LSM6: variants seen among roughly 807,000 people sequenced by gnomAD.
LSM6 encodes LSM6 homolog, U6 small nuclear RNA and mRNA degradation associated, also known as U6 snRNA-associated Sm-like protein LSm6.
A neutral mutation model predicts 13.5 loss-of-function variants in LSM6; 2 were observed. That is an observed-to-expected ratio of 0.15 (90% CI 0.06 to 0.47). LSM6 has a LOEUF of 0.47. Ranked by LOEUF, LSM6 falls within the 20% of genes least tolerant of loss-of-function variation. The pLI is 0.97. For missense variants in LSM6, 58 were observed against 96.4 expected (o/e 0.60, Z 1.67); for synonymous variants, 43 against 34.9 (o/e 1.23, Z -0.82).
At chr4:146,181,744 A>G (rs985456054) in intron 1 of LSM6, among the ~76,000 whole-genome samples, 1 of 152,222 alleles carries the variant, frequency 6.6e-6, no homozygotes, top group African/African-American at 2.4e-5. Flanking sequence ...CTGCTGAATA[A>G]TAGTGATGCT....
intron 1 of LSM6, among the ~76,000 whole-genome samples, chr4:146,177,697 A>G (rs566027458): frequency 2.0e-5 from 3 of 152,028 alleles, no homozygotes; most frequent in Middle Eastern, 3.4e-3. Flanking sequence ...TTCCATTGAC[A>G]TTTTGTGCTG....
At chr4:146,181,829 C>T (rs1730238367) in intron 1 of LSM6, among the ~76,000 whole-genome samples, 1 of 152,122 alleles carries the variant, frequency 6.6e-6, no homozygotes, top group African/African-American at 2.4e-5. Flanking sequence ...GTTTTATTAA[C>T]TTACCAACAT....
At chr4:146,189,453 AT>A (rs1025854452) in intron 3 of LSM6, among the ~76,000 whole-genome samples, 168 bp from the exon 4 acceptor site, 5 of 152,220 alleles carry the variant, frequency 3.3e-5, no homozygotes, top group Non-Finnish European at 5.9e-5. Flanking sequence ...CTGGGTGTAG[AT>A]TCATAAAACT....
At chr4:146,178,317 A>G (rs1730155382) in intron 1 of LSM6, among the ~76,000 whole-genome samples, 1 of 152,230 alleles carries the variant, frequency 6.6e-6, no homozygotes, top group Non-Finnish European at 1.5e-5. Context: ...CAGCCTGATA[A>G]GGGCCATGAC....
At chr4:146,182,122 G>A (rs1237070282) in intron 1 of LSM6, among the ~76,000 whole-genome samples, 1 of 152,178 alleles carries the variant, frequency 6.6e-6, no homozygotes. Flanking sequence ...CTTTCTAGCT[G>A]TGTGACCTTG....
At chr4:146,177,505 C>A (rs530296652) in intron 1 of LSM6, among the ~76,000 whole-genome samples, 10 of 152,294 alleles carry the variant, frequency 6.6e-5, no homozygotes, top group Admixed American at 3.3e-4. Context: ...TAGAATAAAA[C>A]ACCCCTGATT....
chr4:146,182,789 C>T lies in LSM6; in HGVS notation c.-10-123C>T, dbSNP rs914584843. ...CATGTAGTAGCAGTGGAGTAATACG[C>T]GTCTTCTCGCATGGTCCTTTGATAC... On this transcript the variant is annotated intron_variant, in intron 1 of 3. Transcript: ENST00000296581. The T allele has an allele frequency of 2.3e-5, 14 of 615,514 alleles. 1 individual carries two copies. Among genetic ancestry groups the T allele is most frequent in the African/African-American group, 1.3e-4 (7 of 53,882 alleles). The allele number at this position is 615,514 out of a possible 1,614,324, so 38.1% of individuals were successfully genotyped here. A position where few individuals can be genotyped will look rare whatever the true frequency, so the allele number is the denominator to read the frequency against.
chr4:146,182,232 A>G (rs761684204), intron 1 of LSM6, among the ~76,000 whole-genome samples: 1 of 152,198 alleles, frequency 6.6e-6, no homozygotes, highest in South Asian at 2.1e-4. Context: ...ATTGATTAAT[A>G]TATATAAAGT....
rs757980391 is a variant in LSM6 at position 146,187,296 on chromosome 4, C to T, written c.117C>T (p.Gly39=). 6.2e-7 allele frequency: 1 copy of T among 1,612,644 alleles called. No homozygotes were observed. Among genetic ancestry groups the T allele is most frequent in the South Asian group, 1.1e-5 (1 of 91,034 alleles). The change falls in exon 3 of 4, where the codon GGC becomes GGT. Residue 39 remains glycine (G), a synonymous_variant. Coordinates refer to ENST00000296581, the MANE Select transcript of LSM6 (RefSeq NM_007080.3). Reference sequence around the variant, plus strand: ...CAGGGGTCCTGGCTTGCCTGGATGGCTACATGAATATAGCCCTGGAGCAGA... The same window carrying T: ...CAGGGGTCCTGGCTTGCCTGGATGGTTACATGAATATAGCCCTGGAGCAGA... ...DYRGVLACLD[G]YMNIALEQTE... is the part of the protein sequence containing the mutation.
chr4:146,188,012 TC>T (rs1730385577), intron 3 of LSM6, among the ~76,000 whole-genome samples: 1 of 152,178 alleles, frequency 6.6e-6, no homozygotes. Flanking sequence ...ACTTTTTGGT[TC>T]CATCTCCCAG....
At chr4:146,177,690 C>A (rs1165531190) in intron 1 of LSM6, among the ~76,000 whole-genome samples, 1 of 151,716 alleles carries the variant, frequency 6.6e-6, no homozygotes, top group Admixed American at 6.6e-5. Flanking sequence ...TGTCAACTTC[C>A]ATTGACATTT....
chr4:146,189,402 A>G (rs1185544931), intron 3 of LSM6, among the ~76,000 whole-genome samples: 5 of 152,362 alleles, frequency 3.3e-5, no homozygotes, highest in African/African-American at 1.2e-4. Context: ...AGTCAGTGAG[A>G]CACATGGATG....
At chr4:146,188,181 A>G (rs911455336) in intron 3 of LSM6, among the ~76,000 whole-genome samples, 1 of 152,122 alleles carries the variant, frequency 6.6e-6, no homozygotes, top group Non-Finnish European at 1.5e-5. Context: ...ATTTCTTCAT[A>G]TCATATTTTT....
intron 1 of LSM6, among the ~76,000 whole-genome samples, chr4:146,180,473 G>A (rs949329575): frequency 6.6e-6 from 1 of 152,196 alleles, no homozygotes; most frequent in Non-Finnish European, 1.5e-5. Context: ...ATAAAAAGGT[G>A]TGGAAAGTTA....
At chr4:146,187,542 T>C (rs1730374890) in intron 3 of LSM6, 155 bp downstream of exon 3, 2 of 555,662 alleles carry the variant, frequency 3.6e-6, no homozygotes, top group East Asian at 6.0e-5. Context: ...TGACCAGTTA[T>C]TTTGTAGATG....
intron 2 of LSM6, among the ~76,000 whole-genome samples, chr4:146,185,475 C>T (rs1448038111): frequency 2.0e-5 from 3 of 148,614 alleles, no homozygotes; most frequent in Admixed American, 1.3e-4. Context: ...TTTACAAAAC[C>T]CCAAAAAACC....
chr4:146,182,109 C>T (rs1473156646), intron 1 of LSM6, among the ~76,000 whole-genome samples: 5 of 152,138 alleles, frequency 3.3e-5, no homozygotes, highest in Non-Finnish European at 7.4e-5. Flanking sequence ...GGCTGGCTAT[C>T]CACTTTCTAG....
intron 1 of LSM6, among the ~76,000 whole-genome samples, chr4:146,177,096 G>C (rs1273297177): frequency 6.6e-6 from 1 of 152,080 alleles, no homozygotes; most frequent in Non-Finnish European, 1.5e-5. Flanking sequence ...GGCAGGAAGA[G>C]ACTTAAGTGG....
At chr4:146,184,189 A>G (rs1730296651) in intron 2 of LSM6, among the ~76,000 whole-genome samples, 2 of 151,996 alleles carry the variant, frequency 1.3e-5, no homozygotes, top group African/African-American at 4.8e-5. Flanking sequence ...GCAAGTCCCC[A>G]TGGTCTGCTT....
Sources: gnomAD v4.1 joint callset for allele counts (sites outside exome capture counted in the v4.1 genomes callset) on GRCh38, gnomAD v4.1.1 for gene constraint, MANE v1.5 for transcripts, NCBI Gene and HGNC (gene_info 2026-07-23, HGNC 2026-07-21) for gene names.